Variants in IKZF2 observed in about 807,000 individuals in gnomAD.
IKZF2 encodes zinc finger protein Helios.
A neutral mutation model predicts 49.2 loss-of-function variants in IKZF2; 15 were observed. The observed-to-expected ratio is 0.30, with a 90% confidence interval of 0.20 to 0.47. The LOEUF (loss-of-function observed/expected upper bound fraction) is 0.47, where lower values mean the gene tolerates loss of function less well. Among genes scored for constraint, IKZF2 ranks in the 20% least tolerant of loss-of-function variants. IKZF2 has a pLI of 1.00. For missense variants in IKZF2, 567 were observed against 664.6 expected, an observed-to-expected ratio of 0.85 and a Z score of 1.61; for synonymous variants, 227 against 221.4, an observed-to-expected ratio of 1.03 and a Z score of -0.23.
At chr2:213,041,162 T>C (rs1418660160) in intron 6 of IKZF2, among the ~76,000 whole-genome samples, 1 of 151,960 alleles carries the variant, frequency 6.6e-6, no homozygotes, top group Non-Finnish European at 1.5e-5. Flanking sequence ...AAAGTTCACA[T>C]GAAGCAAAGT....
At chr2:213,082,172 A>G (rs1704025353) in intron 4 of IKZF2, among the ~76,000 whole-genome samples, 1 of 152,186 alleles carries the variant, frequency 6.6e-6, no homozygotes, top group African/African-American at 2.4e-5. Context: ...GTTATGTGCT[A>G]TATGTTAAAA....
At chr2:213,078,563 T>C (rs888826450) in intron 4 of IKZF2, among the ~76,000 whole-genome samples, 41 of 152,324 alleles carry the variant, frequency 2.7e-4, no homozygotes, top group African/African-American at 6.5e-4. Flanking sequence ...ACAGAATTAT[T>C]TGAGCAAAAT....
At chr2:213,082,521 T>C (rs886516965) in intron 4 of IKZF2, among the ~76,000 whole-genome samples, 2 of 152,208 alleles carry the variant, frequency 1.3e-5, no homozygotes, top group East Asian at 3.8e-4. Flanking sequence ...GTGCTAATGT[T>C]AGCAATGAAG....
chr2:213,081,598 C>T (rs1703960728), intron 4 of IKZF2, among the ~76,000 whole-genome samples: 1 of 152,106 alleles, frequency 6.6e-6, no homozygotes, highest in Non-Finnish European at 1.5e-5. Context: ...TGACTGAATT[C>T]CACCTTGAAA....
chr2:213,145,818 A>G (rs568536502), intron 4 of IKZF2, among the ~76,000 whole-genome samples: 1 of 151,520 alleles, frequency 6.6e-6, no homozygotes, highest in East Asian at 1.9e-4. Context: ...CTGTACTAAC[A>G]TGGAATTGCC....
chr2:213,007,560 A>T lies in IKZF2; in HGVS notation c.1381T>A (p.Phe461Ile). Reference protein sequence around the residue: ...KGSLKDIYKVFNGEGEQIRAF... With the variant: ...KGSLKDIYKVINGEGEQIRAF... ...CTAATCTGTTCTCCTTCTCCATTGA[A>T]GACCTTGTAGATGTCCTTCAGAGAG... is the stretch of plus-strand genomic sequence containing the variant. The change falls in exon 9 of 9, where the codon TTC becomes ATC. Residue 461 changes from phenylalanine to isoleucine, a missense_variant. Phe to Ile is a conservative substitution (Grantham distance 21, BLOSUM62 0). Transcript: ENST00000434687. The T allele has an allele frequency of 6.2e-7, 1 of 1,613,724 alleles. No homozygotes were observed. Among genetic ancestry groups the T allele is most frequent in the Admixed American group, 1.7e-5 (1 of 59,966 alleles).
chr2:213,148,674 CAAT>C, intron 2 of IKZF2, 30 bp from the exon 3 acceptor site: 6 of 1,572,806 alleles, frequency 3.8e-6, no homozygotes, highest in Non-Finnish European at 3.5e-6. Context: ...ACCCTTAATA[CAAT>C]GATTCCTTTC....
At chr2:213,136,028 T>G (rs141983291) in intron 4 of IKZF2, among the ~76,000 whole-genome samples, 8,891 of 130,608 alleles carry the variant, frequency 0.068, 936 homozygotes, top group African/African-American at 0.24. Context: ...CAGCCTGGGC[T>G]ACAGAGCGAG....
At chr2:213,146,142 T>G (rs904430312) in intron 4 of IKZF2, among the ~76,000 whole-genome samples, 1 of 152,070 alleles carries the variant, frequency 6.6e-6, no homozygotes, top group Non-Finnish European at 1.5e-5. Flanking sequence ...CTAAAGCCAA[T>G]AGCTAACTAA....
chr2:213,059,252 T>C (rs972428077), intron 4 of IKZF2, among the ~76,000 whole-genome samples: 1 of 151,766 alleles, frequency 6.6e-6, no homozygotes. Context: ...TCTTTATATA[T>C]TAAGGAACTT....
intron 4 of IKZF2, among the ~76,000 whole-genome samples, chr2:213,087,222 T>G (rs917187244): frequency 2.0e-5 from 3 of 152,086 alleles, no homozygotes; most frequent in African/African-American, 7.2e-5. Flanking sequence ...ACACTGCCTG[T>G]TGCTGTATTT....
chr2:213,055,770 G>C (rs1001547853), intron 5 of IKZF2, among the ~76,000 whole-genome samples: 1 of 151,958 alleles, frequency 6.6e-6, no homozygotes, highest in African/African-American at 2.4e-5. Context: ...TATTATGAAA[G>C]GTTCGTATTA....
chr2:213,098,775 T>C (rs924833181), intron 4 of IKZF2, among the ~76,000 whole-genome samples: 2 of 152,120 alleles, frequency 1.3e-5, no homozygotes, highest in African/African-American at 2.4e-5. Flanking sequence ...TGTCTGGGGA[T>C]TGGCTCAGCT....
chr2:213,039,276 T>C (rs1699373223), intron 6 of IKZF2, among the ~76,000 whole-genome samples: 1 of 152,070 alleles, frequency 6.6e-6, no homozygotes, highest in Non-Finnish European at 1.5e-5. Flanking sequence ...AGTATAAGCA[T>C]TCAATATTTC....
intron 4 of IKZF2, among the ~76,000 whole-genome samples, chr2:213,064,420 G>GA (rs897999211): frequency 4.6e-5 from 7 of 151,412 alleles, no homozygotes; most frequent in Non-Finnish European, 1.0e-4. Flanking sequence ...TACTTTCATG[G>GA]AAAAAAAATG....
intron 4 of IKZF2, among the ~76,000 whole-genome samples, chr2:213,112,036 T>C (rs1443431543): frequency 1.3e-5 from 2 of 152,038 alleles, no homozygotes; most frequent in Non-Finnish European, 2.9e-5. Context: ...CAATAAAAAA[T>C]TACCAACCAG....
chr2:213,107,905 C>G (rs2059585032), intron 4 of IKZF2, among the ~76,000 whole-genome samples: 1 of 152,066 alleles, frequency 6.6e-6, no homozygotes, highest in Non-Finnish European at 1.5e-5. Flanking sequence ...TTTCATATCT[C>G]TAGAACAAAG....
chr2:213,138,869 G>A lies in IKZF2; in HGVS notation c.139+8839C>T, dbSNP rs577061258. 4.7e-4 allele frequency among the ~76,000 whole-genome samples: 71 copies of A among 151,960 alleles called. 1 individual carries two copies. The South Asian group carries it at 0.014, about 31-fold the overall frequency. On this transcript the variant is annotated intron_variant, in intron 4 of 8. Coordinates refer to ENST00000434687, the MANE Select transcript of IKZF2 (RefSeq NM_001387220.1). The stretch of plus-strand genomic sequence containing the variant: ...TTTTTTTCCTTCTGACCTATAAACT[G>A]GAAGTGCCTCTATATCACCAGCTAA...
At chr2:213,030,363 C>A (rs1698274348) in intron 6 of IKZF2, among the ~76,000 whole-genome samples, 1 of 151,840 alleles carries the variant, frequency 6.6e-6, no homozygotes, top group Non-Finnish European at 1.5e-5. Flanking sequence ...GGAAACAGAT[C>A]TCTACCTGAA....
Sources: allele counts gnomAD v4.1 joint callset (sites outside exome capture counted in the v4.1 genomes callset), GRCh38; gene constraint gnomAD v4.1.1; transcripts MANE v1.5; gene names NCBI Gene and HGNC (gene_info 2026-07-23, HGNC 2026-07-21).